Variants in B3GALT5 observed in about 807,000 individuals in gnomAD.
B3GALT5 encodes UDP-Gal:betaGlcNAc beta 1,3-galactosyltransferase, polypeptide 5.
For missense variants in B3GALT5, 328 were observed against 396.6 expected (o/e 0.83, Z 1.47); for synonymous variants, 156 against 158.6 (o/e 0.98, Z 0.12).
chr21:39,621,459 T>A (rs1316129867), intron 1 of B3GALT5, among the ~76,000 whole-genome samples: 1 of 151,964 alleles, frequency 6.6e-6, no homozygotes, highest in African/African-American at 2.4e-5. Flanking sequence ...CTCTTGGAAA[T>A]GGCTTGCACA....
intron 1 of B3GALT5, among the ~76,000 whole-genome samples, chr21:39,640,849 C>T (rs1289350552): frequency 2.0e-5 from 3 of 152,138 alleles, no homozygotes; most frequent in African/African-American, 7.2e-5. Context: ...AAGCGATCCT[C>T]CTGCCTCAGC....
rs1031036838 is a variant in B3GALT5, at chr21:39,663,358, C to G, written c.*1866C>G. The G allele has an allele frequency of 1.3e-5, 2 of 152,262 alleles. No homozygotes were observed. Among genetic ancestry groups the G allele is most frequent in the African/African-American group, 4.8e-5 (2 of 41,432 alleles). 9.4% of individuals were successfully genotyped at this position (152,262 alleles called of 1,614,324 possible). A position where few individuals can be genotyped will look rare whatever the true frequency, so the allele number is the denominator to read the frequency against. ...CAGCATCAGCTCACAGCCCACAGCTCCAGGGACAAATGAGGACAGGCGTGG... is the reference window on the plus strand; with the variant it reads ...CAGCATCAGCTCACAGCCCACAGCTGCAGGGACAAATGAGGACAGGCGTGG... On this transcript the variant is annotated 3_prime_UTR_variant, in exon 4 of 4. Transcript: ENST00000684187.
At chr21:39,613,592 A>G (rs2079092024) in intron 1 of B3GALT5, among the ~76,000 whole-genome samples, 1 of 152,228 alleles carries the variant, frequency 6.6e-6, no homozygotes, top group African/African-American at 2.4e-5. Context: ...TCTGTAGGTC[A>G]TTGCTAAATA....
chr21:39,622,150 A>G (rs1398829542), intron 1 of B3GALT5, among the ~76,000 whole-genome samples: 2 of 152,132 alleles, frequency 1.3e-5, no homozygotes, highest in East Asian at 3.9e-4. Context: ...TTTGAGGCCT[A>G]CTTTTGAAAG....
At chr21:39,618,600 G>T (rs2079119102) in intron 1 of B3GALT5, among the ~76,000 whole-genome samples, 1 of 152,142 alleles carries the variant, frequency 6.6e-6, no homozygotes, top group Non-Finnish European at 1.5e-5. Flanking sequence ...CCTCTTCTGT[G>T]AATGGCCTGT....
chr21:39,663,880 G>A lies in B3GALT5; in HGVS notation c.*2388G>A, dbSNP rs1426031311. 6.6e-6 allele frequency: 1 copy of A among 152,278 alleles called. No individual in the cohort carries two copies. Among genetic ancestry groups the A allele is most frequent in the Admixed American group, 6.5e-5 (1 of 15,280 alleles). 9.4% of individuals were successfully genotyped at this position (152,278 alleles called of 1,614,324 possible). On this transcript the variant is annotated 3_prime_UTR_variant, in exon 4 of 4. Coordinates refer to ENST00000684187, the MANE Select transcript of B3GALT5 (RefSeq NM_001356336.2). The stretch of plus-strand genomic sequence containing the variant: ...AGTGAGAAACAATGTGAAAGCATGA[G>A]TGAGGAGGCCAAGCAGTGCTTCCCC...
chr21:39,634,865 A>T (rs936435958), intron 1 of B3GALT5, among the ~76,000 whole-genome samples: 5 of 152,180 alleles, frequency 3.3e-5, no homozygotes, highest in Admixed American at 6.5e-5. Flanking sequence ...TCGGGGCAGT[A>T]GAATCTTCCC....
At chr21:39,639,410 TTCTTTCTTTCTTTC>T (rs2079267080) in intron 1 of B3GALT5, among the ~76,000 whole-genome samples, 2 of 94,604 alleles carry the variant, frequency 2.1e-5, no homozygotes, top group Non-Finnish European at 4.4e-5. Flanking sequence ...TTTTCTTTCT[TTCTTTCTTTCTTTC>T]TTTCTTTCTT....
At chr21:39,652,068 T>G (rs149351146) in intron 2 of B3GALT5, among the ~76,000 whole-genome samples, 1 of 152,334 alleles carries the variant, frequency 6.6e-6, no homozygotes, top group African/African-American at 2.4e-5. Flanking sequence ...TAGTGAACCC[T>G]GTGAGGTCCA....
intron 2 of B3GALT5, among the ~76,000 whole-genome samples, chr21:39,654,058 A>T (rs1569218556): frequency 6.6e-6 from 1 of 152,248 alleles, no homozygotes; most frequent in African/African-American, 2.4e-5. Context: ...TAGTGGACAT[A>T]AGCAATAATT....
chr21:39,652,547 C>T (rs2079406132), intron 2 of B3GALT5, among the ~76,000 whole-genome samples: 2 of 152,214 alleles, frequency 1.3e-5, no homozygotes, highest in Admixed American at 1.3e-4. Context: ...CCTTCTGATT[C>T]CAAATTCCTC....
intron 1 of B3GALT5, among the ~76,000 whole-genome samples, chr21:39,640,040 T>G (rs575278799): frequency 6.7e-6 from 1 of 148,958 alleles, no homozygotes; most frequent in South Asian, 2.1e-4. Context: ...CAAGGATACC[T>G]GAAGCTCCTG....
intron 1 of B3GALT5, chr21:39,630,285 C>T (rs767436172): frequency 2.6e-5 from 4 of 152,076 alleles, no homozygotes; most frequent in African/African-American, 7.2e-5. Flanking sequence ...TTAGTAAACG[C>T]GATGTATTGG....
Position 39,663,927 on chromosome 21 carries a change from CAGAGTGGGAATGG to C in B3GALT5, c.*2440_*2452del, listed in dbSNP as rs2079553654. On this transcript the variant is annotated 3_prime_UTR_variant, in exon 4 of 4. Coordinates refer to ENST00000684187, the MANE Select transcript of B3GALT5 (RefSeq NM_001356336.2). ...CCCCAGGAACACCCAGCGCTAGCTCCAGAGTGGGAATGGAGAGGTCCAGGTTGGCCGGGCCGGG... is the reference window on the plus strand; with the variant it reads ...CCCCAGGAACACCCAGCGCTAGCTCCAGAGGTCCAGGTTGGCCGGGCCGGG... The C allele has an allele frequency of 6.6e-6, 1 of 152,394 alleles. No homozygotes were observed. The allele number at this position is 152,394 out of a possible 1,614,324, so 9.4% of individuals were successfully genotyped here.
Position 39,669,422 on chromosome 21 carries a change from A to T in B3GALT5, c.*7930A>T, listed in dbSNP as rs924484335. The T allele has an allele frequency of 1.5e-4, 23 of 152,126 alleles. No homozygotes were observed. Among genetic ancestry groups the T allele is most frequent in the African/African-American group, 5.6e-4 (23 of 41,398 alleles). 9.4% of individuals were successfully genotyped at this position (152,126 alleles called of 1,614,324 possible). On this transcript the variant is annotated 3_prime_UTR_variant, in exon 4 of 4. Coordinates refer to ENST00000684187, the MANE Select transcript of B3GALT5 (RefSeq NM_001356336.2). ...CAGACATTCATTCGTTTATTTATTC[A>T]TCTGTTGAGTGCTCAGTGCTTTGAC... is the stretch of plus-strand genomic sequence containing the variant.
At chr21:39,656,560 A>G (rs2079446647) in intron 2 of B3GALT5, among the ~76,000 whole-genome samples, 1 of 152,084 alleles carries the variant, frequency 6.6e-6, no homozygotes, top group Admixed American at 6.5e-5. Context: ...CTGGCCTCAT[A>G]GTGGGGCTTG....
chr21:39,631,896 G>C (rs1225437124), intron 1 of B3GALT5, among the ~76,000 whole-genome samples: 1 of 152,190 alleles, frequency 6.6e-6, no homozygotes, highest in Non-Finnish European at 1.5e-5. Context: ...CATTTGGGCT[G>C]CATATGAAAG....
At position 39,671,864 on chromosome 21, in the gene B3GALT5, C is replaced by T. The variant is rs946996213; in HGVS notation, c.*10372C>T. On this transcript the variant is annotated 3_prime_UTR_variant, in exon 4 of 4. Coordinates refer to ENST00000684187, the MANE Select transcript of B3GALT5 (RefSeq NM_001356336.2). Reference sequence around the variant, plus strand: ...ACGGACCTCTTGCTCTCAGATTGGCCTTGAAGCTGAAGGGAACCTGTCCAC... The same window carrying T: ...ACGGACCTCTTGCTCTCAGATTGGCTTTGAAGCTGAAGGGAACCTGTCCAC... The T allele has an allele frequency of 1.3e-5, 2 of 152,168 alleles. 1 individual carries two copies. The highest frequency in any genetic ancestry group is 4.8e-5 in the African/African-American group (2 of 41,428). 9.4% of individuals were successfully genotyped at this position (152,168 alleles called of 1,614,324 possible).
At chr21:39,653,250 C>T (rs1323587215) in intron 2 of B3GALT5, among the ~76,000 whole-genome samples, 5 of 152,234 alleles carry the variant, frequency 3.3e-5, no homozygotes, top group East Asian at 1.9e-4. Flanking sequence ...ATTAATACAT[C>T]GCATGTCAAT....
Sources: gnomAD v4.1 joint callset for allele counts (sites outside exome capture counted in the v4.1 genomes callset) on GRCh38, gnomAD v4.1.1 for gene constraint, MANE v1.5 for transcripts, NCBI Gene and HGNC (gene_info 2026-07-23, HGNC 2026-07-21) for gene names.